The following CHODL variants were observed in gnomAD, a reference collection of about 807,000 sequenced individuals.
CHODL encodes chondrolectin.
In CHODL, 29 loss-of-function variants were observed where a neutral mutation model predicts 34.5. The ratio of observed to expected loss-of-function variants is 0.84; its 90% CI spans 0.63 to 1.15. CHODL has a LOEUF of 1.15. Among genes scored for constraint, CHODL ranks in the 50% most tolerant of loss-of-function variants. The pLI, the probability that CHODL is intolerant of heterozygous loss-of-function variation, is 0.00. For synonymous variants in CHODL, 125 were observed against 116.1 expected, an observed-to-expected ratio of 1.08 and a Z score of -0.49; for missense variants, 332 against 332.5, an observed-to-expected ratio of 1.00 and a Z score of 0.01.
intron 1 of CHODL, among the ~76,000 whole-genome samples, chr21:17,935,430 T>G (rs888428939): frequency 6.6e-6 from 1 of 152,198 alleles, no homozygotes; most frequent in Non-Finnish European, 1.5e-5. Context: ...TACCTTCCAT[T>G]ACTCCGTATT....
chr21:18,260,214 G>A lies in CHODL; in HGVS notation c.562G>A (p.Ala188Thr), dbSNP rs781291899. The part of the protein sequence containing the change: ...CKYEPEINPT[A>T]PVEKPYLTNQ... ...ATTATTTACAGAGATTAATCCAACA[G>A]CCCCTGTAGAAAAGCCTTATCTTAC... is the stretch of plus-strand genomic sequence containing the variant. Residue 188 changes from alanine to threonine, a missense_variant, in exon 4 of 6, where the codon GCC (alanine) becomes ACC (threonine). Ala to Thr is a moderately conservative substitution (Grantham distance 58). Coordinates refer to ENST00000299295, the MANE Select transcript of CHODL (RefSeq NM_024944.3). 5.7e-6 allele frequency: 9 copies of A among 1,569,548 alleles called. No individual in the cohort carries two copies. The highest frequency in any genetic ancestry group is 1.4e-5 in the African/African-American group (1 of 72,430).
chr21:18,195,131 T>G (rs2073570535), intron 2 of CHODL, among the ~76,000 whole-genome samples: 1 of 152,230 alleles, frequency 6.6e-6, no homozygotes, highest in Non-Finnish European at 1.5e-5. Flanking sequence ...CTCCACTCAC[T>G]GCAGGCTCTG....
At chr21:17,965,405 C>T (rs1049630131) in intron 1 of CHODL, among the ~76,000 whole-genome samples, 10 of 152,090 alleles carry the variant, frequency 6.6e-5, no homozygotes, top group African/African-American at 2.2e-4. Flanking sequence ...TCTATTTCAC[C>T]ATTAGTGCTT....
intron 2 of CHODL, among the ~76,000 whole-genome samples, chr21:18,171,779 T>A (rs1056260443): frequency 6.6e-6 from 1 of 151,948 alleles, no homozygotes; most frequent in African/African-American, 2.4e-5. Flanking sequence ...TTGCTGCTGC[T>A]GTTGCTGGTC....
intron 1 of CHODL, among the ~76,000 whole-genome samples, chr21:17,990,618 C>T (rs2063789703): frequency 6.6e-6 from 1 of 152,002 alleles, no homozygotes; most frequent in Admixed American, 6.6e-5. Flanking sequence ...AGCATTAAAA[C>T]TAACAATGTT....
chr21:18,227,218 C>T (rs1418970527), intron 2 of CHODL, among the ~76,000 whole-genome samples: 4 of 152,110 alleles, frequency 2.6e-5, no homozygotes, highest in African/African-American at 9.7e-5. Context: ...CCTCCTAATA[C>T]CAAGATCTTG....
chr21:18,181,921 A>C (rs907801439), intron 2 of CHODL, among the ~76,000 whole-genome samples: 4 of 152,170 alleles, frequency 2.6e-5, no homozygotes, highest in Non-Finnish European at 5.9e-5. Context: ...ATATTCCATT[A>C]ATATTCCATC....
rs140509854 is a variant in CHODL, at chr21:17,942,911, C to T, written c.-145+25511C>T. On this transcript the variant is annotated intron_variant, in intron 1 of 6. Transcript: ENST00000400127. ...GTTCTTCTTATAGTGAGTGAGTTCTCATGAGATCTGGTTATTTAAAAGTGC... is the reference window on the plus strand; with the variant it reads ...GTTCTTCTTATAGTGAGTGAGTTCTTATGAGATCTGGTTATTTAAAAGTGC... 3.2e-4 allele frequency among the ~76,000 whole-genome samples: 49 copies of T among 152,264 alleles called. 1 individual carries two copies. In the East Asian group the frequency reaches 9.1e-3, roughly 28 times the overall value.
intron 2 of CHODL, among the ~76,000 whole-genome samples, chr21:18,069,292 A>C (rs1419289414): frequency 6.6e-6 from 1 of 152,132 alleles, no homozygotes; most frequent in East Asian, 1.9e-4. Flanking sequence ...TGCTGCCTAA[A>C]AGAGGACCTT....
chr21:17,980,935 A>G (rs907555880), intron 1 of CHODL, among the ~76,000 whole-genome samples: 2 of 152,206 alleles, frequency 1.3e-5, no homozygotes, highest in Non-Finnish European at 2.9e-5. Context: ...TCACAGCTCC[A>G]TCCCTTGTTA....
At chr21:17,981,634 C>T (rs766256933) in intron 1 of CHODL, among the ~76,000 whole-genome samples, 3 of 152,112 alleles carry the variant, frequency 2.0e-5, no homozygotes, top group Non-Finnish European at 2.9e-5. Context: ...ATTCACAATG[C>T]TGTGGGTTTG....
intron 2 of CHODL, among the ~76,000 whole-genome samples, chr21:18,156,344 T>C (rs981565974): frequency 2.0e-5 from 3 of 152,214 alleles, no homozygotes; most frequent in Non-Finnish European, 2.9e-5. Context: ...TCGTTTTTGT[T>C]GGCTGTTGAC....
chr21:17,935,448 C>A (rs2063311684), intron 1 of CHODL, among the ~76,000 whole-genome samples: 1 of 152,154 alleles, frequency 6.6e-6, no homozygotes, highest in Admixed American at 6.5e-5. Context: ...ATTTCTTTTC[C>A]ACAGCTCACA....
At chr21:17,984,672 T>C (rs2063739825) in intron 1 of CHODL, among the ~76,000 whole-genome samples, 1 of 152,168 alleles carries the variant, frequency 6.6e-6, no homozygotes, top group Admixed American at 6.5e-5. Context: ...TTATGGATTT[T>C]GCCTTTCGTA....
chr21:17,925,012 A>T (rs1405966985), intron 1 of CHODL, among the ~76,000 whole-genome samples: 1 of 152,222 alleles, frequency 6.6e-6, no homozygotes, highest in African/African-American at 2.4e-5. Flanking sequence ...ATATTATAAA[A>T]AGAATAGTCT....
chr21:18,039,343 G>A (rs1344221065), intron 2 of CHODL, among the ~76,000 whole-genome samples: 3 of 151,654 alleles, frequency 2.0e-5, no homozygotes, highest in African/African-American at 7.2e-5. Context: ...AGTAGTTAGG[G>A]GTAGGGATTG....
At chr21:18,085,666 T>A (rs76621664) in intron 2 of CHODL, among the ~76,000 whole-genome samples, 1 of 152,224 alleles carries the variant, frequency 6.6e-6, no homozygotes, top group Non-Finnish European at 1.5e-5. Context: ...TTCCAACAAT[T>A]TGAAAATGTC....
intron 2 of CHODL, among the ~76,000 whole-genome samples, chr21:18,038,623 T>C (rs182621956): frequency 2.6e-4 from 39 of 151,866 alleles, no homozygotes; most frequent in African/African-American, 9.1e-4. Context: ...TTCCCATATT[T>C]GATGACCACT....
intron 2 of CHODL, among the ~76,000 whole-genome samples, chr21:18,190,085 A>C (rs892006160): frequency 6.6e-6 from 1 of 152,196 alleles, no homozygotes; most frequent in Non-Finnish European, 1.5e-5. Flanking sequence ...TATGTCATGA[A>C]ATTTTCATAT....
Sources: allele counts gnomAD v4.1 joint callset (sites outside exome capture counted in the v4.1 genomes callset), GRCh38; gene constraint gnomAD v4.1.1; transcripts MANE v1.5; gene names NCBI Gene and HGNC (gene_info 2026-07-23, HGNC 2026-07-21).